AFDN: variants seen among roughly 807,000 people sequenced by gnomAD.
AFDN encodes afadin.
In AFDN, 68 loss-of-function variants were observed where a neutral mutation model predicts 216.6. The observed-to-expected ratio is 0.31, with a 90% CI of 0.26 to 0.38. The LOEUF is 0.38. Ranked by LOEUF, AFDN falls within the 10% of genes least tolerant of loss-of-function variation. The probability of loss-of-function intolerance (pLI) is 1.00; values close to 1 mark genes in which losing one functional copy is unlikely to be tolerated. For missense variants in AFDN, 2,136 were observed against 2,342.0 expected (o/e 0.91, Z 1.82); for synonymous variants, 868 against 853.7 (o/e 1.02, Z -0.29).
In AFDN at chr6:167,965,908, C is replaced by T. The variant is rs936050654; in HGVS notation, c.5120C>T (p.Ala1707Val). Residue 1707 changes from alanine to valine, a missense_variant, in exon 32 of 34, where the codon GCG (alanine) becomes GTG (valine). Ala to Val is a moderately conservative substitution (Grantham distance 64). Around this residue, in one of 8 missense-constraint regions of AFDN, gnomAD observed 981 missense variants for 966.0 expected, o/e 1.02. Coordinates refer to ENST00000683244, the MANE Select transcript of AFDN (RefSeq NM_001386888.1). The stretch of plus-strand genomic sequence containing the variant: ...TACGAGCCCCCGTCCCCGTCCCCCG[C>T]GCCCGGCGCCCCTCCTCCCCCGCCT... ...RDYEPPSPSP[A>V]PGAPPPPPQR... 5.2e-6 allele frequency: 8 copies of T among 1,549,776 alleles called. No individual in the cohort carries two copies. Among genetic ancestry groups the T allele is most frequent in the South Asian group, 2.4e-5 (2 of 84,046 alleles).
chr6:167,857,254 T>TGA (rs1312224123), intron 1 of AFDN, among the ~76,000 whole-genome samples: 4 of 151,448 alleles, frequency 2.6e-5, no homozygotes, highest in Non-Finnish European at 5.9e-5. Context: ...TATTAGAGAG[T>TGA]GAGAGAGAGG....
intron 1 of AFDN, among the ~76,000 whole-genome samples, chr6:167,850,160 T>C (rs1221265369): frequency 3.3e-5 from 5 of 152,236 alleles, no homozygotes; most frequent in African/African-American, 9.6e-5. Context: ...TGTTTTAGTT[T>C]GTAAAATTCC....
In AFDN at chr6:167,861,520, A is replaced by G. The variant is rs527854737; in HGVS notation, c.106-3031A>G. Among the ~76,000 whole-genome samples, 5 of 152,232 alleles carry G rather than the reference A, an allele frequency of 3.3e-5. No homozygotes were observed. In the South Asian group the frequency reaches 8.3e-4, roughly 25 times the overall value. On this transcript the variant is annotated intron_variant, in intron 1 of 33. Transcript: ENST00000683244. The stretch of plus-strand genomic sequence containing the variant: ...ATCTCTTAACATTTTATGTAAGGTA[A>G]GTAGCTGGGCCACATTGGTAATAAA...
At chr6:167,956,746 C>G (rs879873616) in intron 30 of AFDN, among the ~76,000 whole-genome samples, 1 of 152,184 alleles carries the variant, frequency 6.6e-6, no homozygotes, top group Non-Finnish European at 1.5e-5. Flanking sequence ...CACAGTCATG[C>G]ATGACCCCCT....
chr6:167,965,514 G>T (rs1364764763), intron 31 of AFDN, among the ~76,000 whole-genome samples: 1 of 152,222 alleles, frequency 6.6e-6, no homozygotes, highest in Non-Finnish European at 1.5e-5. Flanking sequence ...GGAAGCAGGA[G>T]GCTGAGAATC....
At chr6:167,924,285 T>A (rs1792211023) in intron 22 of AFDN, among the ~76,000 whole-genome samples, 1 of 152,190 alleles carries the variant, frequency 6.6e-6, no homozygotes, top group Admixed American at 6.5e-5. Flanking sequence ...CTGTTAATTT[T>A]CTTCTTGAAT....
intron 6 of AFDN, 23 bp from the exon 7 acceptor site, chr6:167,889,192 G>GT (rs751905043): frequency 1.3e-6 from 2 of 1,530,366 alleles, no homozygotes; most frequent in Non-Finnish European, 1.8e-6. Context: ...CACATTCATA[G>GT]TTAATTATTT....
intron 21 of AFDN, among the ~76,000 whole-genome samples, chr6:167,920,898 C>A (rs1323458492): frequency 6.6e-6 from 1 of 152,214 alleles, no homozygotes; most frequent in Non-Finnish European, 1.5e-5. Flanking sequence ...CTTCCCCACA[C>A]TTAACATGTC....
At chr6:167,961,422 G>A (rs1451857683) in intron 30 of AFDN, among the ~76,000 whole-genome samples, 3 of 152,182 alleles carry the variant, frequency 2.0e-5, no homozygotes. Flanking sequence ...AAAAGGGAGA[G>A]TCTTTCTGTT....
At chr6:167,956,372 A>G (rs926585765) in intron 30 of AFDN, among the ~76,000 whole-genome samples, 2 of 152,072 alleles carry the variant, frequency 1.3e-5, no homozygotes, top group African/African-American at 4.8e-5. Flanking sequence ...TGAGTTTCAT[A>G]AAGTTGGGAG....
chr6:167,827,299 C>T (rs1779210040), intron 1 of AFDN, 62 bp downstream of exon 1: 1 of 696,312 alleles, frequency 1.4e-6, no homozygotes, highest in Non-Finnish European at 1.8e-6. Context: ...CCCCGCCCCT[C>T]CCCCCCGCCG....
chr6:167,848,866 A>G (rs1430147235), intron 1 of AFDN, among the ~76,000 whole-genome samples: 1 of 152,190 alleles, frequency 6.6e-6, no homozygotes, highest in Non-Finnish European at 1.5e-5. Context: ...ATTAAACAGA[A>G]TGTTCATTTT....
At chr6:167,942,200 T>C (rs1794775884) in intron 23 of AFDN, among the ~76,000 whole-genome samples, 1 of 152,194 alleles carries the variant, frequency 6.6e-6, no homozygotes, top group Admixed American at 6.5e-5. Flanking sequence ...ATGCGAGTGG[T>C]TTCCAAGTGA....
In AFDN at chr6:167,951,470, T is replaced by G; in HGVS notation, c.4116T>G (p.Pro1372=). 2 of 1,614,002 alleles carry G rather than the reference T, an allele frequency of 1.2e-6. No individual in the cohort carries two copies. Among genetic ancestry groups the G allele is most frequent in the Non-Finnish European group, 1.7e-6 (2 of 1,180,004 alleles). ...AVSQPIRTDL[P]PPPPPPPVHY... is the part of the protein sequence containing the mutation. ...CCCAGCCAATCCGAACAGACCTGCC[T>G]CCGCCACCCCCGCCACCTCCAGTCC... The change falls in exon 30 of 34, where the codon CCT becomes CCG. Residue 1372 remains proline, a synonymous_variant. Transcript: ENST00000683244. This position sits in a 1 kb window ranked among gnomAD's most constrained non-coding sequence, Gnocchi z 7.1.
Position 167,946,881 on chromosome 6 carries a change from G to A in AFDN, c.3533G>A (p.Arg1178His), listed in dbSNP as rs766388839. Residue 1178 changes from arginine (R) to histidine (H), a missense_variant, in exon 27 of 34, where the codon CGT becomes CAT. By Grantham distance (29) the Arg-to-His change is conservative. Transcript: ENST00000683244. ...DRLMKNRADH[R>H]SSPNVANQPP... is the part of the protein sequence containing the mutation. ...CTGATGAAAAATAGAGCTGATCACC[G>A]TTCCAGCCCCAACGTAGCAAGTAAG... is the stretch of plus-strand genomic sequence containing the variant. The A allele has an allele frequency of 3.2e-5, 52 of 1,611,644 alleles. No individual in the cohort carries two copies. The highest frequency in any genetic ancestry group is 1.9e-4 in the South Asian group (17 of 90,476).
chr6:167,962,799 ACTTCTGAACT>A lies in AFDN; in HGVS notation c.4968+236_4968+245del. 1 of 1,369,568 alleles carries A rather than the reference ACTTCTGAACT, an allele frequency of 7.3e-7. No individual in the cohort carries two copies. The highest frequency in any genetic ancestry group is 9.4e-7 in the Non-Finnish European group (1 of 1,060,626). 84.8% of individuals were successfully genotyped at this position (1,369,568 alleles called of 1,614,324 possible). ...ATCTGCCAAGTTTTGTCTCCTTCAA[ACTTCTGAACT>A]CTTGGGCGTGTGTAGCAGTGAGCCT... is the stretch of plus-strand genomic sequence containing the variant. On this transcript the variant is annotated intron_variant, in intron 31 of 33. Transcript: ENST00000683244. This position sits in a 1 kb window ranked among gnomAD's most constrained non-coding sequence, Gnocchi z 5.2.
In AFDN at chr6:167,875,501, A is replaced by G. The variant is rs1226826628; in HGVS notation, c.739+6A>G. 6.2e-7 allele frequency: 1 copy of G among 1,612,966 alleles called. No homozygotes were observed. Among genetic ancestry groups the G allele is most frequent in the Non-Finnish European group, 8.5e-7 (1 of 1,179,504 alleles). On this transcript the variant is annotated splice_donor_region_variant and intron_variant, in intron 5 of 33. Coordinates refer to ENST00000683244, the MANE Select transcript of AFDN (RefSeq NM_001386888.1). ...AGATGGGCGGCCTGATTCAGGTACA[A>G]CTTGGTATTTTTTCTCTGTTCTACC... is the stretch of plus-strand genomic sequence containing the variant.
At chr6:167,913,815 A>G in intron 16 of AFDN, 1 of 392,660 alleles carries the variant, frequency 2.5e-6, no homozygotes, top group East Asian at 4.7e-5. Context: ...GCTGTGGGTA[A>G]CCATGGATAC....
Position 167,911,153 on chromosome 6 carries a change from A to G in AFDN, c.1822A>G (p.Arg608Gly), listed in dbSNP as rs768462329. The G allele has an allele frequency of 3.1e-6, 5 of 1,613,894 alleles. No individual in the cohort carries two copies. Among genetic ancestry groups the G allele is most frequent in the East Asian group, 2.2e-5 (1 of 44,870 alleles). ...GATACTACCTGCAAGCATTGAATTCAGGGAAAGTTGTGAGTAATTTCAGAT... is the reference window on the plus strand; with the variant it reads ...GATACTACCTGCAAGCATTGAATTCGGGGAAAGTTGTGAGTAATTTCAGAT... ...ELILPASIEF[R>G]ESSEDSFLSA... Residue 608 changes from arginine to glycine, a missense_variant, in exon 14 of 34, where the codon AGG becomes GGG. By Grantham distance (125) the Arg-to-Gly change is moderately radical (BLOSUM62 -2). Coordinates refer to ENST00000683244, the MANE Select transcript of AFDN (RefSeq NM_001386888.1).
Sources: gnomAD v4.1 joint callset for allele counts (sites outside exome capture counted in the v4.1 genomes callset) on GRCh38, gnomAD v4.1.1 for gene constraint, gnomAD v4.1.1 regional missense constraint, Gnocchi (gnomAD v3.1) non-coding constraint, MANE v1.5 for transcripts, NCBI Gene and HGNC (gene_info 2026-07-23, HGNC 2026-07-21) for gene names.